SMYD3: variants seen among roughly 807,000 people sequenced by gnomAD.
The protein encoded by SMYD3 is SET and MYND domain containing 3.
Under a neutral mutation model 57.7 loss-of-function variants are expected in SMYD3, and 36 were observed. The observed-to-expected ratio is 0.62, with a 90% CI of 0.48 to 0.82. SMYD3 has a LOEUF of 0.82. Ranked by LOEUF, SMYD3 falls within the 40% of genes least tolerant of loss-of-function variation. SMYD3 has a pLI of 0.00. For missense variants in SMYD3, 515 were observed against 538.8 expected (o/e 0.96, Z 0.44); for synonymous variants, 211 against 195.0 (o/e 1.08, Z -0.68).
At chr1:246,447,307 A>G (rs1342642384) in intron 1 of SMYD3, among the ~76,000 whole-genome samples, 1 of 152,202 alleles carries the variant, frequency 6.6e-6, no homozygotes, top group Non-Finnish European at 1.5e-5. Flanking sequence ...TAACTTTCGG[A>G]ACACTGTGTA....
intron 1 of SMYD3, among the ~76,000 whole-genome samples, chr1:246,384,393 G>A (rs2066435508): frequency 6.6e-6 from 1 of 151,936 alleles, no homozygotes; most frequent in African/African-American, 2.4e-5. Context: ...ATTATATTTA[G>A]AAACAGAATT....
chr1:245,817,070 C>T (rs894323323), intron 10 of SMYD3, among the ~76,000 whole-genome samples: 4 of 151,498 alleles, frequency 2.6e-5, no homozygotes, highest in Non-Finnish European at 2.9e-5. Context: ...CTGCCTGCCT[C>T]TGTAGGCTCC....
chr1:245,931,919 A>G (rs2056747614), intron 5 of SMYD3, among the ~76,000 whole-genome samples: 1 of 152,248 alleles, frequency 6.6e-6, no homozygotes, highest in Non-Finnish European at 1.5e-5. Context: ...ATACATATAT[A>G]TTTGTAAACA....
At chr1:246,175,192 T>C (rs543569117) in intron 5 of SMYD3, among the ~76,000 whole-genome samples, 4 of 152,262 alleles carry the variant, frequency 2.6e-5, no homozygotes, top group Admixed American at 6.5e-5. Context: ...AAAATCGTAT[T>C]TGAGTAGAAA....
chr1:246,253,434 G>A (rs189916511), intron 5 of SMYD3, among the ~76,000 whole-genome samples: 10 of 152,286 alleles, frequency 6.6e-5, no homozygotes, highest in African/African-American at 2.2e-4. Flanking sequence ...CCAGGTTGCT[G>A]CAAAGGACAT....
chr1:245,823,489 G>T (rs561587645), intron 10 of SMYD3, among the ~76,000 whole-genome samples: 1 of 152,342 alleles, frequency 6.6e-6, no homozygotes, highest in South Asian at 2.1e-4. Context: ...GCGCACTACT[G>T]CGATTTCCTG....
chr1:245,864,403 C>A (rs927649902), intron 8 of SMYD3, among the ~76,000 whole-genome samples: 3 of 152,198 alleles, frequency 2.0e-5, no homozygotes, highest in African/African-American at 7.2e-5. Flanking sequence ...TATGACTCCA[C>A]AATAAAGTAC....
intron 5 of SMYD3, chr1:246,326,406 A>G (rs1235485941): frequency 1.9e-6 from 1 of 517,580 alleles, no homozygotes; most frequent in South Asian, 1.8e-5. Context: ...CTAGTGAAGA[A>G]AAAAAAAAAT....
At chr1:245,891,561 C>G (rs1047249696) in intron 8 of SMYD3, among the ~76,000 whole-genome samples, 1 of 152,236 alleles carries the variant, frequency 6.6e-6, no homozygotes, top group South Asian at 2.1e-4. Flanking sequence ...CTGTACTTCC[C>G]TTCCTTCTGC....
In SMYD3 at chr1:246,363,282, G is replaced by A. The variant is rs561499192; in HGVS notation, c.165-8188C>T. On this transcript the variant is annotated intron_variant, in intron 1 of 11. Transcript: ENST00000490107. ...TAGCCCCCGCCAGGCCAGCCGCCCCGTCCGGGAGGGAGGTGGGGGGGTCAG... is the reference window on the plus strand; with the variant it reads ...TAGCCCCCGCCAGGCCAGCCGCCCCATCCGGGAGGGAGGTGGGGGGGTCAG... Among the ~76,000 whole-genome samples, 26 of 149,744 alleles carry A rather than the reference G, an allele frequency of 1.7e-4. No homozygotes were observed. In the South Asian group the frequency reaches 3.2e-3, roughly 18 times the overall value.
chr1:245,844,597 C>T (rs546808715), intron 10 of SMYD3, among the ~76,000 whole-genome samples: 1 of 88,540 alleles, frequency 1.1e-5, no homozygotes, highest in East Asian at 3.2e-4. Flanking sequence ...CCTCTACTTC[C>T]TTGGTTTCTT....
intron 5 of SMYD3, among the ~76,000 whole-genome samples, chr1:246,243,005 G>T (rs1558343558): frequency 6.6e-6 from 1 of 152,068 alleles, no homozygotes; most frequent in East Asian, 1.9e-4. Flanking sequence ...ATAATAATGG[G>T]AGACATTAAC....
At chr1:246,154,310 A>C (rs2061988368) in intron 5 of SMYD3, among the ~76,000 whole-genome samples, 1 of 152,196 alleles carries the variant, frequency 6.6e-6, no homozygotes, top group Non-Finnish European at 1.5e-5. Context: ...GTAAGATATA[A>C]AAGGTGTAAT....
At chr1:246,274,605 G>C (rs1392879899) in intron 5 of SMYD3, among the ~76,000 whole-genome samples, 1 of 152,170 alleles carries the variant, frequency 6.6e-6, no homozygotes, top group African/African-American at 2.4e-5. Flanking sequence ...AATTCAGGTT[G>C]AGTCCCTCTA....
At chr1:246,111,793 T>C (rs569862403) in intron 5 of SMYD3, among the ~76,000 whole-genome samples, 4 of 152,318 alleles carry the variant, frequency 2.6e-5, no homozygotes, top group African/African-American at 9.6e-5. Context: ...TACTTCACCA[T>C]GTGAGGTAAA....
chr1:245,834,737 G>A (rs934464711), intron 10 of SMYD3, among the ~76,000 whole-genome samples: 9 of 152,188 alleles, frequency 5.9e-5, no homozygotes, highest in African/African-American at 1.9e-4. Flanking sequence ...TACATGGGAG[G>A]CCAGAAAGGG....
At position 245,967,172 on chromosome 1, in the gene SMYD3, T is replaced by C. The variant is rs115670145; in HGVS notation, c.532-37235A>G. On this transcript the variant is annotated intron_variant, in intron 5 of 11. Transcript: ENST00000490107. ...AAGAGGTAGAAATCTCTCTATTCCATCACAATTCTTATTCTTACATGGTAT... is the reference window on the plus strand; with the variant it reads ...AAGAGGTAGAAATCTCTCTATTCCACCACAATTCTTATTCTTACATGGTAT... Among the ~76,000 whole-genome samples the C allele has an allele frequency of 4.1e-3, 627 of 152,322 alleles. 3 individuals are homozygous for C. The highest frequency in any genetic ancestry group is 0.014 in the African/African-American group (569 of 41,562).
At chr1:246,262,027 C>CTT (rs35113168) in intron 5 of SMYD3, among the ~76,000 whole-genome samples, 53,401 of 151,952 alleles carry the variant, frequency 0.35, 10,238 homozygotes, top group East Asian at 0.79. Context: ...CATTCTGCTG[C>CTT]TTGTTTATTC....
chr1:245,806,686 G>A (rs1260719190), intron 10 of SMYD3, among the ~76,000 whole-genome samples: 6 of 151,872 alleles, frequency 4.0e-5, no homozygotes, highest in Non-Finnish European at 7.4e-5. Flanking sequence ...CGAGGCGGGT[G>A]GATCATGAGG....
Sources: gnomAD v4.1 joint callset for allele counts (sites outside exome capture counted in the v4.1 genomes callset) on GRCh38, gnomAD v4.1.1 for gene constraint, MANE v1.5 for transcripts, NCBI Gene and HGNC (gene_info 2026-07-23, HGNC 2026-07-21) for gene names.